Variants in ECPAS observed in about 807,000 individuals in gnomAD.
The protein encoded by ECPAS is Ecm29 proteasome adaptor and scaffold.
Under a neutral mutation model 255.1 loss-of-function variants are expected in ECPAS, and 70 were observed. The ratio of observed to expected loss-of-function variants is 0.27; its 90% confidence interval spans 0.23 to 0.33. ECPAS has a LOEUF of 0.33. ECPAS is among the 10% of genes least tolerant of loss of function. The pLI is 1.00. For synonymous variants in ECPAS, 784 were observed against 775.0 expected, an observed-to-expected ratio of 1.01 and a Z score of -0.19; for missense variants, 1,817 against 2,206.4, an observed-to-expected ratio of 0.82 and a Z score of 3.54.
In ECPAS at chr9:111,393,724, TTAAGA is replaced by T. The variant is rs1466830487; in HGVS notation, c.2928_2932del (p.His976GlnfsTer15). 6.3e-7 allele frequency: 1 copy of T among 1,587,986 alleles called. No individual in the cohort carries two copies. ...TGAAACAAATGCACTTTGAATTTCT[TTAAGA>T]TGAGACTGAAAGAAGAAAAAAGGCA... On this transcript the variant is annotated frameshift_variant, in exon 27 of 50. Coordinates refer to ENST00000684092, the MANE Select transcript of ECPAS (RefSeq NM_001364929.1). LOFTEE classifies it high-confidence loss of function.
Position 111,407,428 on chromosome 9 carries a change from A to AAAAAAAG in ECPAS, c.2652+1142_2652+1143insCTTTTTT, listed in dbSNP as rs2098186429. ...GAAAAAAAAAAAAAAAAAAAAAAAAAAAAAAAAAAACCTAGAAGAAACCCA... is the reference window on the plus strand; with the variant it reads ...GAAAAAAAAAAAAAAAAAAAAAAAAAAAAAAAGAAAAAAAAAACCTAGAAGAAACCCA... On this transcript the variant is annotated intron_variant, in intron 24 of 49. Transcript: ENST00000684092. 1.6e-4 allele frequency among the ~76,000 whole-genome samples: 16 copies of AAAAAAAG among 98,724 alleles called. 1 individual carries two copies. The highest frequency in any genetic ancestry group is 3.9e-4 in the Non-Finnish European group (15 of 38,760). 64.8% of individuals were successfully genotyped at this position (98,724 alleles called of 152,430 possible).
chr9:111,482,138 TG>T (rs1589250262), intron 1 of ECPAS, among the ~76,000 whole-genome samples: 1 of 152,156 alleles, frequency 6.6e-6, no homozygotes, highest in African/African-American at 2.4e-5. Context: ...AAACAAAACA[TG>T]GAACTGATCT....
In ECPAS at chr9:111,386,370, A is replaced by C. The variant is rs2098148527; in HGVS notation, c.3527+7T>G. 7 of 1,554,476 alleles carry C rather than the reference A, an allele frequency of 4.5e-6. No individual in the cohort carries two copies. Among genetic ancestry groups the C allele is most frequent in the Non-Finnish European group, 6.2e-6 (7 of 1,131,264 alleles). On this transcript the variant is annotated splice_region_variant and intron_variant, in intron 32 of 49. Coordinates refer to ENST00000684092, the MANE Select transcript of ECPAS (RefSeq NM_001364929.1). ...TTTGACTAAACTTATATTCCTAAAA[A>C]CGGTACCTGGATTCTCGAACTCGCC...
intron 1 of ECPAS, among the ~76,000 whole-genome samples, chr9:111,480,355 C>T (rs1260007027): frequency 2.2e-5 from 3 of 133,958 alleles, no homozygotes; most frequent in Admixed American, 1.8e-4. Context: ...TGGAGTGCAG[C>T]GGCACAATCT....
intron 5 of ECPAS, 36 bp downstream of exon 5, chr9:111,442,270 T>C (rs564160335): frequency 7.3e-7 from 1 of 1,377,350 alleles, no homozygotes; most frequent in Non-Finnish European, 1.0e-6. Flanking sequence ...TGTTGACTCC[T>C]GTAGGAGGGA....
intron 2 of ECPAS, among the ~76,000 whole-genome samples, chr9:111,472,192 T>G (rs530264827): frequency 1.3e-5 from 2 of 151,686 alleles, no homozygotes; most frequent in Non-Finnish European, 2.9e-5. Context: ...AGGTGGCAGT[T>G]AGCCATGATT....
chr9:111,366,454 T>C, intron 47 of ECPAS, 68 bp downstream of exon 47: 1 of 1,341,774 alleles, frequency 7.5e-7, no homozygotes, highest in Non-Finnish European at 1.1e-6. Context: ...GTATAAAAAT[T>C]CCATTGATTA....
At chr9:111,432,919 A>G (rs1265582934) in intron 8 of ECPAS, among the ~76,000 whole-genome samples, 1 of 152,196 alleles carries the variant, frequency 6.6e-6, no homozygotes, top group Admixed American at 6.5e-5. Flanking sequence ...AGAAAAAAAT[A>G]AAAATTAGTT....
At chr9:111,409,935 C>G in intron 23 of ECPAS, 106 bp downstream of exon 23, 2 of 827,000 alleles carry the variant, frequency 2.4e-6, no homozygotes, top group Non-Finnish European at 3.8e-6. Context: ...ACATTAAATC[C>G]TTCCTCCAGC....
chr9:111,370,629 T>C lies in ECPAS; in HGVS notation c.4782-2A>G, dbSNP rs778497676. 1 of 1,610,082 alleles carries C rather than the reference T, an allele frequency of 6.2e-7. No homozygotes were observed. The highest frequency in any genetic ancestry group is 8.5e-7 in the Non-Finnish European group (1 of 1,177,982). ...GGCACAGACTTTTCCAGCTCTGCAC[T>C]ACAGGGTCCATACAAAAGCATCAGA... On this transcript the variant is annotated splice_acceptor_variant, in intron 44 of 49. Coordinates refer to ENST00000684092, the MANE Select transcript of ECPAS (RefSeq NM_001364929.1). LOFTEE classifies it high-confidence loss of function.
intron 24 of ECPAS, among the ~76,000 whole-genome samples, chr9:111,402,644 T>C (rs2098177914): frequency 1.3e-5 from 2 of 152,282 alleles, no homozygotes; most frequent in African/African-American, 4.8e-5. Context: ...TATAAAAAGA[T>C]ACAAGTTGAG....
At chr9:111,371,963 A>C (rs1379300642) in intron 42 of ECPAS, 134 bp from the exon 43 acceptor site, 1 of 672,432 alleles carries the variant, frequency 1.5e-6, no homozygotes, top group Non-Finnish European at 2.5e-6. Flanking sequence ...ACTCTCTCAA[A>C]GGGAGAGAAA....
intron 24 of ECPAS, among the ~76,000 whole-genome samples, chr9:111,403,678 A>G (rs1454350967): frequency 6.7e-6 from 1 of 149,878 alleles, no homozygotes. Flanking sequence ...TGACTTCAAC[A>G]CCCCACTTTC....
At chr9:111,392,732 A>G (rs764568017) in intron 28 of ECPAS, 36 bp downstream of exon 28, 33 of 1,402,014 alleles carry the variant, frequency 2.4e-5, no homozygotes, top group Non-Finnish European at 3.2e-5. Flanking sequence ...GACTTCCTCT[A>G]TGGGCTTGAA....
At chr9:111,417,112 C>T (rs531319418) in intron 17 of ECPAS, among the ~76,000 whole-genome samples, 24 of 152,082 alleles carry the variant, frequency 1.6e-4, no homozygotes, top group Non-Finnish European at 2.9e-4. Context: ...CGGTGGTGCA[C>T]GCCTGTAGTC....
intron 49 of ECPAS, 71 bp downstream of exon 49, chr9:111,363,517 G>T: frequency 1.1e-6 from 1 of 903,616 alleles, no homozygotes; most frequent in Non-Finnish European, 1.8e-6. Flanking sequence ...AAGCAAAAAC[G>T]AAACAAAAAA....
At chr9:111,370,407 C>A in intron 45 of ECPAS, 28 bp downstream of exon 45, 1 of 1,453,410 alleles carries the variant, frequency 6.9e-7, no homozygotes, top group Non-Finnish European at 9.3e-7. Context: ...AAAGTATAAA[C>A]CAGAACTGAG....
chr9:111,483,399 C>T, intron 1 of ECPAS: 3 of 428,334 alleles, frequency 7.0e-6, no homozygotes, highest in Non-Finnish European at 9.3e-6. Context: ...GCGGCCGCCG[C>T]CCGCCCACCG....
intron 3 of ECPAS, among the ~76,000 whole-genome samples, chr9:111,449,152 C>T (rs924263495): frequency 6.6e-6 from 1 of 151,988 alleles, no homozygotes; most frequent in Non-Finnish European, 1.5e-5. Flanking sequence ...TTTCTTGACA[C>T]ATAAGAACCA....
Sources: gnomAD v4.1 joint callset for allele counts (sites outside exome capture counted in the v4.1 genomes callset) on GRCh38, gnomAD v4.1.1 for gene constraint, MANE v1.5 for transcripts, NCBI Gene and HGNC (gene_info 2026-07-23, HGNC 2026-07-21) for gene names.